Variants in TMEM202 observed in about 807,000 individuals in gnomAD.
TMEM202 encodes the protein transmembrane protein 202.
In TMEM202, 25 loss-of-function variants were observed where a neutral mutation model predicts 26.1. The observed-to-expected ratio is 0.96, with a 90% CI of 0.70 to 1.34. The LOEUF is 1.34. Among genes scored for constraint, TMEM202 ranks in the 40% most tolerant of loss-of-function variants. The probability of loss-of-function intolerance (pLI) is 0.00; values close to 1 mark genes in which losing one functional copy is unlikely to be tolerated. For missense variants in TMEM202, 301 were observed against 327.7 expected (o/e 0.92, Z 0.63); for synonymous variants, 122 against 119.0 (o/e 1.02, Z -0.16).
intron 2 of TMEM202, among the ~76,000 whole-genome samples, chr15:72,405,311 G>A (rs1326259988): frequency 1.3e-5 from 2 of 152,192 alleles, no homozygotes; most frequent in Non-Finnish European, 2.9e-5. Flanking sequence ...AAGGGATACT[G>A]AAGATATTCC....
intron 2 of TMEM202, among the ~76,000 whole-genome samples, chr15:72,399,486 G>T (rs1036933317): frequency 6.6e-6 from 1 of 152,122 alleles, no homozygotes; most frequent in Non-Finnish European, 1.5e-5. Flanking sequence ...CAATGTGATT[G>T]GTATTCTAAT....
At position 72,398,680 on chromosome 15, in the gene TMEM202, A is replaced by G. The variant is rs1357644744; in HGVS notation, c.109A>G (p.Ser37Gly). 1.9e-6 allele frequency: 3 copies of G among 1,614,074 alleles called. No homozygotes were observed. The South Asian group carries it at 3.3e-5, about 18-fold the overall frequency. ...RPTVPAKKHP[S>G]ASMSCQRQQQ... Reference sequence around the variant, plus strand: ...TACCGTCCCTGCCAAGAAACATCCAAGTGCCTCGATGTCATGCCAAAGGCA... The same window carrying G: ...TACCGTCCCTGCCAAGAAACATCCAGGTGCCTCGATGTCATGCCAAAGGCA... The change falls in exon 2 of 5, where the codon AGT becomes GGT. Residue 37 changes from serine (S) to glycine (G), a missense_variant. Coordinates refer to ENST00000341689, the MANE Select transcript of TMEM202 (RefSeq NM_001080462.3).
Position 72,398,800 on chromosome 15 carries a change from C to T in TMEM202, c.229C>T (p.Leu77=), listed in dbSNP as rs539291799. Residue 77 remains leucine (L), a synonymous_variant, in exon 2 of 5, where the codon CTG becomes TTG. Coordinates refer to ENST00000341689, the MANE Select transcript of TMEM202 (RefSeq NM_001080462.3). ...SLLMLIAMSP[L]NWVQFLVIKN... ...CCTAATGCTGATCGCCATGTCCCCA[C>T]TGAACTGGGTACAGTTTCTGGTGAT... 1 of 1,614,206 alleles carries T rather than the reference C, an allele frequency of 6.2e-7. No individual in the cohort carries two copies. Among genetic ancestry groups the T allele is most frequent in the African/African-American group, 1.3e-5 (1 of 75,050 alleles).
chr15:72,408,153 T>C lies in TMEM202; in HGVS notation c.*260T>C, dbSNP rs1471098731. On this transcript the variant is annotated 3_prime_UTR_variant, in exon 5 of 5. Transcript: ENST00000341689. ...ATGAATGAAAGAAACTAGTGAAAGA[T>C]GCAGTGTGTAGACCAGAGACCTCTT... 1.7e-5 allele frequency: 7 copies of C among 416,744 alleles called. No individual in the cohort carries two copies. Among genetic ancestry groups the C allele is most frequent in the Non-Finnish European group, 3.1e-5 (7 of 228,780 alleles). 25.8% of individuals were successfully genotyped at this position (416,744 alleles called of 1,614,324 possible).
At chr15:72,406,794 G>T in intron 3 of TMEM202, 43 bp downstream of exon 3, 1 of 1,590,552 alleles carries the variant, frequency 6.3e-7, no homozygotes, top group Non-Finnish European at 8.6e-7. Flanking sequence ...TGGTAAAATA[G>T]TCAAGGTAAC....
chr15:72,406,554 G>A (rs373323522), intron 2 of TMEM202, 48 bp from the exon 3 acceptor site: 117 of 1,553,674 alleles, frequency 7.5e-5, no homozygotes, highest in Non-Finnish European at 1.0e-4. Context: ...TTAAGGGAAG[G>A]TCCCTCACTG....
At position 72,406,752 on chromosome 15, in the gene TMEM202, G is replaced by A. The variant is rs372694918; in HGVS notation, c.487+1G>A. 2.5e-6 allele frequency: 4 copies of A among 1,613,854 alleles called. No homozygotes were observed. In the African/African-American group the frequency reaches 4.0e-5, roughly 16 times the overall value. ...GTATCCATGCTCAGCTTCATCTCAG[G>A]TACAGACCTAGACTGGCAGGGTATT... is the stretch of plus-strand genomic sequence containing the variant. On this transcript the variant is annotated splice_donor_variant, in intron 3 of 4. Coordinates refer to ENST00000341689, the MANE Select transcript of TMEM202 (RefSeq NM_001080462.3). LOFTEE classifies it high-confidence loss of function.
In TMEM202 at chr15:72,407,990, A is replaced by C; in HGVS notation, c.*97A>C. ...GGGAAACTCTCCTAATATCATGTCCATATTACTTGAGGAGACAGCATTAAA... is the reference window on the plus strand; with the variant it reads ...GGGAAACTCTCCTAATATCATGTCCCTATTACTTGAGGAGACAGCATTAAA... On this transcript the variant is annotated 3_prime_UTR_variant, in exon 5 of 5. Transcript: ENST00000341689. 1.0e-6 allele frequency: 1 copy of C among 971,794 alleles called. No individual in the cohort carries two copies. The highest frequency in any genetic ancestry group is 2.6e-5 in the East Asian group (1 of 38,554). The allele number at this position is 971,794 out of a possible 1,614,324, so 60.2% of individuals were successfully genotyped here.
At chr15:72,405,493 G>A (rs115591683) in intron 2 of TMEM202, among the ~76,000 whole-genome samples, 2,436 of 152,262 alleles carry the variant, frequency 0.016, 58 homozygotes, top group African/African-American at 0.056. Flanking sequence ...CATCCAGTCC[G>A]CAGTGGCAGA....
chr15:72,398,538 GA>G, intron 1 of TMEM202, 114 bp from the exon 2 acceptor site: 1 of 1,450,326 alleles, frequency 6.9e-7, no homozygotes, highest in East Asian at 2.3e-5. Flanking sequence ...TAGGAGTAGG[GA>G]AAAATATCTA....
In TMEM202 at chr15:72,407,746, C is replaced by T. The variant is rs374859725; in HGVS notation, c.675C>T (p.Asn225=). 30 of 1,614,002 alleles carry T rather than the reference C, an allele frequency of 1.9e-5. No individual in the cohort carries two copies. In the Middle Eastern group the frequency reaches 1.2e-3, roughly 62 times the overall value. Residue 225 remains asparagine, a synonymous_variant, in exon 5 of 5, where the codon AAC becomes AAT. Coordinates refer to ENST00000341689, the MANE Select transcript of TMEM202 (RefSeq NM_001080462.3). The part of the protein sequence containing the change: ...LTSRSPACDE[N]VTVIPTERSR... Reference sequence around the variant, plus strand: ...CCAGATCGCCTGCCTGTGATGAAAACGTCACTGTGATTCCAACAGAGAGAT... The same window carrying T: ...CCAGATCGCCTGCCTGTGATGAAAATGTCACTGTGATTCCAACAGAGAGAT...
chr15:72,407,280 G>A (rs1217337499), intron 4 of TMEM202, 63 bp downstream of exon 4: 1 of 1,568,896 alleles, frequency 6.4e-7, no homozygotes, highest in Admixed American at 1.7e-5. Context: ...GGAAAGGGAG[G>A]TATAATCCAG....
chr15:72,405,667 G>C (rs1040783331), intron 2 of TMEM202, among the ~76,000 whole-genome samples: 1 of 152,096 alleles, frequency 6.6e-6, no homozygotes, highest in Non-Finnish European at 1.5e-5. Flanking sequence ...TGGTAAATTG[G>C]GGCTTGAAAT....
At chr15:72,400,625 A>T (rs900471937) in intron 2 of TMEM202, among the ~76,000 whole-genome samples, 2 of 152,216 alleles carry the variant, frequency 1.3e-5, no homozygotes, top group African/African-American at 4.8e-5. Context: ...TTAATAAATT[A>T]GGGCTGGGTG....
chr15:72,405,254 C>T (rs982802612), intron 2 of TMEM202, among the ~76,000 whole-genome samples: 16 of 152,104 alleles, frequency 1.1e-4, no homozygotes, highest in African/African-American at 3.9e-4. Flanking sequence ...GAGCTGGTCC[C>T]TGCTACACTG....
Position 72,407,155 on chromosome 15 carries a change from A to T in TMEM202, c.557A>T (p.Glu186Val). 6.2e-7 allele frequency: 1 copy of T among 1,613,468 alleles called. No homozygotes were observed. The highest frequency in any genetic ancestry group is 8.5e-7 in the Non-Finnish European group (1 of 1,179,778). The change falls in exon 4 of 5, where the codon GAG becomes GTG. Residue 186 changes from glutamate to valine, a missense_variant. Glu to Val is a moderately radical substitution (Grantham distance 121, BLOSUM62 -2). Coordinates refer to ENST00000341689, the MANE Select transcript of TMEM202 (RefSeq NM_001080462.3). Reference sequence around the variant, plus strand: ...CACTGGCATACTAGGGATGCCATGGAGTCAGATCTCCTATGGACCTATTAT... The same window carrying T: ...CACTGGCATACTAGGGATGCCATGGTGTCAGATCTCCTATGGACCTATTAT... ...QVHWHTRDAMESDLLWTYYLN... is the reference protein window; with the variant it reads ...QVHWHTRDAMVSDLLWTYYLN...
At chr15:72,403,285 G>A (rs146230238) in intron 2 of TMEM202, among the ~76,000 whole-genome samples, 2 of 152,202 alleles carry the variant, frequency 1.3e-5, no homozygotes, top group African/African-American at 4.8e-5. Context: ...GACTGATGCT[G>A]GGCTGATCCC....
At chr15:72,399,560 C>A (rs2063538328) in intron 2 of TMEM202, among the ~76,000 whole-genome samples, 1 of 152,168 alleles carries the variant, frequency 6.6e-6, no homozygotes, top group African/African-American at 2.4e-5. Context: ...AATATCTTAA[C>A]CTCTATTAGA....
At chr15:72,407,343 C>G (rs2063577448) in intron 4 of TMEM202, 126 bp downstream of exon 4, 1 of 1,150,124 alleles carries the variant, frequency 8.7e-7, no homozygotes. Flanking sequence ...CTTGGAGAGT[C>G]AGGGGGGCAT....
Sources: gnomAD v4.1 joint callset for allele counts (sites outside exome capture counted in the v4.1 genomes callset) on GRCh38, gnomAD v4.1.1 for gene constraint, MANE v1.5 for transcripts, NCBI Gene and HGNC (gene_info 2026-07-23, HGNC 2026-07-21) for gene names.